MOXD1: variants seen among roughly 807,000 people sequenced by gnomAD.
The protein encoded by MOXD1 is monooxygenase DBH like 1.
A neutral mutation model predicts 66.6 loss-of-function variants in MOXD1; 62 were observed. The ratio of observed to expected loss-of-function variants is 0.93; its 90% CI spans 0.76 to 1.15. The LOEUF (loss-of-function observed/expected upper bound fraction) is 1.15, where lower values mean the gene tolerates loss of function less well. Ranked by LOEUF, MOXD1 falls within the 50% of genes most tolerant of loss-of-function variation. The pLI is 0.00. For synonymous variants in MOXD1, 303 were observed against 281.9 expected (o/e 1.07, Z -0.75); for missense variants, 847 against 754.6 (o/e 1.12, Z -1.44).
intron 4 of MOXD1, among the ~76,000 whole-genome samples, chr6:132,354,281 G>C (rs775118430): frequency 6.6e-6 from 1 of 152,180 alleles, no homozygotes; most frequent in Non-Finnish European, 1.5e-5. Flanking sequence ...ATTTGGGTAG[G>C]CTCTGTCAGA....
chr6:132,328,562 A>T lies in MOXD1; in HGVS notation c.696T>A (p.Ser232Arg). Reference sequence around the variant, plus strand: ...GATAGAGCAGGATGTGGTGCACCAGACTCTCATGGCCTCTCTGTATCACTG... The same window carrying T: ...GATAGAGCAGGATGTGGTGCACCAGTCTCTCATGGCCTCTCTGTATCACTG... ...VEPVIQRGHE[S>R]LVHHILLYQC... Residue 232 changes from serine (S) to arginine (R), a missense_variant, in exon 5 of 12, where the codon AGT becomes AGA. Ser to Arg is a moderately radical substitution (Grantham distance 110). Coordinates refer to ENST00000367963, the MANE Select transcript of MOXD1 (RefSeq NM_015529.4). 2.5e-6 allele frequency: 4 copies of T among 1,613,982 alleles called. No homozygotes were observed. Among genetic ancestry groups the T allele is most frequent in the Non-Finnish European group, 3.4e-6 (4 of 1,179,982 alleles).
intron 1 of MOXD1, among the ~76,000 whole-genome samples, chr6:132,379,063 C>G (rs950824704): frequency 6.6e-6 from 1 of 150,986 alleles, no homozygotes; most frequent in Non-Finnish European, 1.5e-5. Flanking sequence ...ATTAAAGACA[C>G]TACCAAAAAA....
chr6:132,326,833 C>T (rs1775198636), intron 6 of MOXD1, among the ~76,000 whole-genome samples: 1 of 152,148 alleles, frequency 6.6e-6, no homozygotes, highest in Admixed American at 6.5e-5. Flanking sequence ...AATAGAATAG[C>T]TTGACACCTA....
rs545911206 is a variant in MOXD1, at chr6:132,396,093, C to T, written c.264+5070G>A. 3.9e-5 allele frequency among the ~76,000 whole-genome samples: 6 copies of T among 152,208 alleles called. No individual in the cohort carries two copies. In the South Asian group the frequency reaches 1.2e-3, roughly 32 times the overall value. ...TCCAACAGCTACAGAATATACATTC[C>T]TCTCATCAGCACATGAAACATTCCT... On this transcript the variant is annotated intron_variant, in intron 1 of 11. Coordinates refer to ENST00000367963, the MANE Select transcript of MOXD1 (RefSeq NM_015529.4).
intron 7 of MOXD1, among the ~76,000 whole-genome samples, chr6:132,323,172 T>C (rs1775115929): frequency 6.6e-6 from 1 of 152,170 alleles, no homozygotes. Context: ...AGCAAAAAGA[T>C]TCCAGTATGT....
intron 4 of MOXD1, among the ~76,000 whole-genome samples, chr6:132,331,620 A>AATC (rs1395168331): frequency 1.3e-5 from 2 of 152,214 alleles, no homozygotes; most frequent in Non-Finnish European, 2.9e-5. Flanking sequence ...GCCACATATG[A>AATC]ATCATTCTAT....
intron 4 of MOXD1, among the ~76,000 whole-genome samples, chr6:132,353,741 A>G (rs73546047): frequency 0.014 from 2,189 of 152,212 alleles, 67 homozygotes; most frequent in African/African-American, 0.05. Context: ...TTCCTTGATT[A>G]TCTCCCCAAA....
In MOXD1 at chr6:132,372,694, G is replaced by T. The variant is rs1378326901; in HGVS notation, c.580-3C>A. 1.2e-6 allele frequency: 2 copies of T among 1,613,212 alleles called. No individual in the cohort carries two copies. The highest frequency in any genetic ancestry group is 1.7e-6 in the Non-Finnish European group (2 of 1,179,376). On this transcript the variant is annotated splice_region_variant and splice_polypyrimidine_tract_variant and intron_variant, in intron 3 of 11. Transcript: ENST00000367963. The stretch of plus-strand genomic sequence containing the variant: ...GTATCTTTGTTTGGGATGGGGACCT[G>T]TCTTAATAAAAAGGGGAGGAAGACA...
chr6:132,357,018 T>G (rs1216884828), intron 4 of MOXD1, among the ~76,000 whole-genome samples: 1 of 152,018 alleles, frequency 6.6e-6, no homozygotes, highest in African/African-American at 2.4e-5. Context: ...CGTTAGAAAA[T>G]ATTCTCATAT....
chr6:132,299,014 A>C (rs1020782161), intron 10 of MOXD1, among the ~76,000 whole-genome samples: 1 of 152,218 alleles, frequency 6.6e-6, no homozygotes, highest in Non-Finnish European at 1.5e-5. Flanking sequence ...AAAGACATGG[A>C]ATCAACCAAG....
In MOXD1 at chr6:132,372,865, T is replaced by A. The variant is rs764423815; in HGVS notation, c.544A>T (p.Thr182Ser). 5 of 1,614,114 alleles carry A rather than the reference T, an allele frequency of 3.1e-6. No homozygotes were observed. In the South Asian group the frequency reaches 5.5e-5, roughly 18 times the overall value. Residue 182 changes from threonine to serine, a missense_variant, in exon 3 of 12, where the codon ACA (threonine) becomes TCA (serine). Transcript: ENST00000367963. ...LNPEKTSVLS[T>S]ALPYFDLVNQ... ...ACCAGATCAAAGTATGGTAAGGCTG[T>A]AGATAGCACACTAGTTTTCTCAGGA...
Position 132,340,638 on chromosome 6 carries a change from A to ATTTTTTTTTTTTTTTTTTTTT in MOXD1, c.664-12065_664-12045dup, listed in dbSNP as rs869205496. Reference sequence around the variant, plus strand: ...ACAACATGCTAAAACAACAAGACTCATTTTTTTTTTTTTTTTTTTTTTTTT... The same window carrying ATTTTTTTTTTTTTTTTTTTTT: ...ACAACATGCTAAAACAACAAGACTCATTTTTTTTTTTTTTTTTTTTTTTTTTTTTTTTTTTTTTTTTTTTTT... On this transcript the variant is annotated intron_variant, in intron 4 of 11. Transcript: ENST00000367963. Among the ~76,000 whole-genome samples, 13 of 98,784 alleles carry ATTTTTTTTTTTTTTTTTTTTT rather than the reference A, an allele frequency of 1.3e-4. 1 individual carries two copies. Among genetic ancestry groups the ATTTTTTTTTTTTTTTTTTTTT allele is most frequent in the African/African-American group, 4.4e-4 (10 of 22,560 alleles). 64.8% of individuals were successfully genotyped at this position (98,784 alleles called of 152,430 possible).
At chr6:132,297,756 T>C (rs764909289) in intron 11 of MOXD1, 31 bp downstream of exon 11, 6 of 1,562,538 alleles carry the variant, frequency 3.8e-6, no homozygotes, top group African/African-American at 2.8e-5. Flanking sequence ...AAATGTGTCA[T>C]CTGGGTTGTC....
chr6:132,392,583 T>C (rs1469366818), intron 1 of MOXD1, among the ~76,000 whole-genome samples: 1 of 152,130 alleles, frequency 6.6e-6, no homozygotes, highest in Non-Finnish European at 1.5e-5. Flanking sequence ...GCTGAACTGA[T>C]TCACTGAGAC....
intron 1 of MOXD1, among the ~76,000 whole-genome samples, chr6:132,377,528 A>G (rs934774477): frequency 2.6e-5 from 4 of 152,012 alleles, no homozygotes; most frequent in South Asian, 4.2e-4. Context: ...AACAATACCA[A>G]CTCCTTCCAG....
chr6:132,337,694 T>A (rs565862365), intron 4 of MOXD1, among the ~76,000 whole-genome samples: 38 of 152,338 alleles, frequency 2.5e-4, no homozygotes, highest in African/African-American at 8.7e-4. Context: ...AGAACATTAC[T>A]TTTAAGACAG....
At chr6:132,355,202 G>T (rs564759405) in intron 4 of MOXD1, among the ~76,000 whole-genome samples, 2 of 152,212 alleles carry the variant, frequency 1.3e-5, no homozygotes, top group African/African-American at 4.8e-5. Flanking sequence ...ACAAAGTTCA[G>T]CTGGGGACTT....
At chr6:132,312,901 C>G (rs181760166) in intron 10 of MOXD1, among the ~76,000 whole-genome samples, 8 of 151,572 alleles carry the variant, frequency 5.3e-5, no homozygotes, top group Non-Finnish European at 1.2e-4. Context: ...CTCAAATTAA[C>G]CATCGATTAG....
intron 4 of MOXD1, among the ~76,000 whole-genome samples, chr6:132,338,047 G>T (rs775961838): frequency 5.9e-5 from 9 of 152,064 alleles, no homozygotes; most frequent in Admixed American, 1.3e-4. Context: ...TCTAGTCTAT[G>T]TACAGACTAG....
Sources: allele counts gnomAD v4.1 joint callset (sites outside exome capture counted in the v4.1 genomes callset), GRCh38; gene constraint gnomAD v4.1.1; transcripts MANE v1.5; gene names NCBI Gene and HGNC (gene_info 2026-07-23, HGNC 2026-07-21).